Variants in COX10 observed in about 807,000 individuals in gnomAD.
COX10 encodes cytochrome c oxidase assembly factor heme A:farnesyltransferase COX10, also known as protoheme IX farnesyltransferase, mitochondrial.
A neutral mutation model predicts 37.3 loss-of-function variants in COX10; 27 were observed. The ratio of observed to expected loss-of-function variants is 0.72; its 90% confidence interval spans 0.53 to 1.00. The LOEUF (loss-of-function observed/expected upper bound fraction) is 1.00, where lower values mean the gene tolerates loss of function less well. Ranked by LOEUF, COX10 falls within the 50% of genes least tolerant of loss-of-function variation. The probability of loss-of-function intolerance (pLI) is 0.00; values close to 1 mark genes in which losing one functional copy is unlikely to be tolerated. For synonymous variants in COX10, 222 were observed against 229.1 expected (o/e 0.97, Z 0.28); for missense variants, 475 against 563.2 (o/e 0.84, Z 1.59).
At chr17:14,074,588 A>G in intron 2 of COX10, 132 bp downstream of exon 2, 1 of 865,912 alleles carries the variant, frequency 1.2e-6, no homozygotes, top group Admixed American at 1.8e-5. Context: ...GTGTCCTTAA[A>G]TTTATCCAAA....
intron 4 of COX10, among the ~76,000 whole-genome samples, chr17:14,151,567 ACACACACG>A (rs894206862): frequency 5.7e-5 from 7 of 122,486 alleles, no homozygotes; most frequent in South Asian, 2.7e-4. Flanking sequence ...ACACACACAC[ACACACACG>A]AGAACTGCCA....
In COX10 at chr17:14,126,411, A is replaced by G. The variant is rs139667759; in HGVS notation, c.624+24169A>G. 6.5e-3 allele frequency among the ~76,000 whole-genome samples: 986 copies of G among 152,316 alleles called. 4 individuals are homozygous for G. The highest frequency in any genetic ancestry group is 0.012 in the South Asian group (56 of 4,834). On this transcript the variant is annotated intron_variant, in intron 4 of 6. Transcript: ENST00000261643. ...TCTTAGTTTTGAAGATGTATAACGT[A>G]TATTTTAAAAATAAATTCAGTTTTA...
At chr17:14,192,453 A>T (rs932958032) in intron 6 of COX10, among the ~76,000 whole-genome samples, 1 of 149,050 alleles carries the variant, frequency 6.7e-6, no homozygotes, top group Non-Finnish European at 1.5e-5. Context: ...TGTCTGGGAG[A>T]AAAAAAAGGA....
chr17:14,146,168 A>T (rs917992724), intron 4 of COX10, among the ~76,000 whole-genome samples: 1 of 152,124 alleles, frequency 6.6e-6, no homozygotes, highest in Non-Finnish European at 1.5e-5. Flanking sequence ...AAGATGTCCT[A>T]AGCAAAAAGA....
At chr17:14,187,169 T>C (rs1428127797) in intron 5 of COX10, among the ~76,000 whole-genome samples, 4 of 151,844 alleles carry the variant, frequency 2.6e-5, no homozygotes, top group Non-Finnish European at 5.9e-5. Flanking sequence ...AGCCTGACAG[T>C]ACGTGTCAAA....
Position 14,102,262 on chromosome 17 carries a change from C to T in COX10, c.624+20C>T. 4 of 1,613,314 alleles carry T rather than the reference C, an allele frequency of 2.5e-6. No individual in the cohort carries two copies. The highest frequency in any genetic ancestry group is 3.4e-6 in the Non-Finnish European group (4 of 1,179,564). ...AATCAGGTCAGTTTCTCACTTTCAT[C>T]TAAATTATGTTATTGTCACTTTTTC... On this transcript the variant is annotated intron_variant, in intron 4 of 6. Transcript: ENST00000261643.
In COX10 at chr17:14,074,456, G is replaced by A. The variant is rs775269071; in HGVS notation, c.177G>A (p.Met59Ile). The A allele has an allele frequency of 1.9e-6, 3 of 1,611,166 alleles. No homozygotes were observed. The Admixed American group carries it at 5.0e-5, about 27-fold the overall frequency. ...AGCACTTTAGCTTCCTCAAACGCATGGTATGTTTAGAAGACCATTCTTACT... is the reference window on the plus strand; with the variant it reads ...AGCACTTTAGCTTCCTCAAACGCATAGTATGTTTAGAAGACCATTCTTACT... ...TFQHFSFLKR[M>I]YVTQLNRSHN... The change falls in exon 2 of 7, where the codon ATG becomes ATA. Residue 59 changes from methionine to isoleucine, a missense_variant and splice_region_variant. This residue lies in a region of COX10 where 242 missense variants were observed against 242.5 expected (regional missense o/e 1.00). Coordinates refer to ENST00000261643, the MANE Select transcript of COX10 (RefSeq NM_001303.4).
At chr17:14,195,435 A>C (rs1288778927) in intron 6 of COX10, among the ~76,000 whole-genome samples, 1 of 152,216 alleles carries the variant, frequency 6.6e-6, no homozygotes, top group Non-Finnish European at 1.5e-5. Flanking sequence ...TTTAAAATTC[A>C]GTTACCCAGT....
At chr17:14,144,801 T>C (rs1904660474) in intron 4 of COX10, among the ~76,000 whole-genome samples, 1 of 152,042 alleles carries the variant, frequency 6.6e-6, no homozygotes, top group African/African-American at 2.4e-5. Context: ...TTTCTTTTCT[T>C]TTTCTTTTTT....
chr17:14,071,822 T>C (rs7213131), intron 1 of COX10, among the ~76,000 whole-genome samples: 149,906 of 151,722 alleles, frequency 0.99, 74,066 homozygotes, highest in Middle Eastern at 1. Flanking sequence ...ATCGCTTGAA[T>C]CCAGGAGGCA....
intron 5 of COX10, among the ~76,000 whole-genome samples, chr17:14,167,396 A>G (rs1905322917): frequency 6.6e-6 from 1 of 152,258 alleles, no homozygotes; most frequent in Admixed American, 6.5e-5. Flanking sequence ...AAGCAGTGTC[A>G]GAGTTTGAGA....
At chr17:14,116,286 A>G (rs1423020048) in intron 4 of COX10, among the ~76,000 whole-genome samples, 1 of 152,178 alleles carries the variant, frequency 6.6e-6, no homozygotes, top group Admixed American at 6.5e-5. Flanking sequence ...AATAATTCCT[A>G]AGTTTAAGTT....
At chr17:14,088,738 A>G (rs1915465544) in intron 3 of COX10, among the ~76,000 whole-genome samples, 1 of 152,226 alleles carries the variant, frequency 6.6e-6, no homozygotes, top group Non-Finnish European at 1.5e-5. Flanking sequence ...TCATGTGTCA[A>G]GGATTCTGAG....
chr17:14,106,684 G>A (rs1383720797), intron 4 of COX10, among the ~76,000 whole-genome samples: 1 of 152,140 alleles, frequency 6.6e-6, no homozygotes, highest in Non-Finnish European at 1.5e-5. Context: ...CGGTTTGTAG[G>A]TAACATCAGA....
rs992418460 is a variant in COX10 at position 14,207,174 on chromosome 17, GC to G, written c.1295del (p.Pro432ArgfsTer44). ...TGCTGCTCATGCTCACCTGCAAGCG[GC>G]CGAGCGGAGGCGGGGACGCAGGGCC... ...LLLLMLTCKR[P>X]SGGGDAGPPP... On this transcript the variant is annotated frameshift_variant, in exon 7 of 7. Transcript: ENST00000261643. LOFTEE classifies it low-confidence loss of function (END_TRUNC). The G allele has an allele frequency of 3.7e-6, 6 of 1,608,182 alleles. No homozygotes were observed. In the African/African-American group the frequency reaches 8.0e-5, roughly 21 times the overall value.
At chr17:14,071,678 G>A (rs1165504092) in intron 1 of COX10, among the ~76,000 whole-genome samples, 2 of 144,600 alleles carry the variant, frequency 1.4e-5, no homozygotes, top group African/African-American at 5.2e-5. Context: ...GAGGTCAGGA[G>A]TTCAACACCA....
At chr17:14,158,132 G>C (rs1905083127) in intron 4 of COX10, among the ~76,000 whole-genome samples, 1 of 151,968 alleles carries the variant, frequency 6.6e-6, no homozygotes, top group South Asian at 2.1e-4. Flanking sequence ...TAACTACTCA[G>C]AGTTTGTGAG....
chr17:14,199,630 A>G (rs1159327420), intron 6 of COX10, among the ~76,000 whole-genome samples: 1 of 152,142 alleles, frequency 6.6e-6, no homozygotes, highest in Admixed American at 6.5e-5. Context: ...TTCCTAAACT[A>G]CTAGCAAAGA....
chr17:14,131,533 T>C (rs1916466832), intron 4 of COX10, among the ~76,000 whole-genome samples: 1 of 152,082 alleles, frequency 6.6e-6, no homozygotes. Flanking sequence ...TGTAGTGAAA[T>C]AGTTTTAGAT....
Sources: allele counts gnomAD v4.1 joint callset (sites outside exome capture counted in the v4.1 genomes callset), GRCh38; gene constraint gnomAD v4.1.1; regional missense constraint gnomAD v4.1.1; transcripts MANE v1.5; gene names NCBI Gene and HGNC (gene_info 2026-07-23, HGNC 2026-07-21).